Variants in SOX5 observed in about 807,000 individuals in gnomAD.
The protein encoded by SOX5 is transcription factor SOX-5.
SOX5 carries 9 observed loss-of-function variants against 92.0 expected under a neutral mutation model. The ratio of observed to expected loss-of-function variants is 0.10; its 90% CI spans 0.06 to 0.17. SOX5 has a LOEUF of 0.17. Ranked by LOEUF, SOX5 falls within the 10% of genes least tolerant of loss-of-function variation. SOX5 has a pLI of 1.00. For missense variants in SOX5, 642 were observed against 944.5 expected (o/e 0.68, Z 4.20); for synonymous variants, 344 against 336.3 (o/e 1.02, Z -0.25).
At chr12:23,703,183 G>A (rs1370601605) in intron 6 of SOX5, among the ~76,000 whole-genome samples, 1 of 152,038 alleles carries the variant, frequency 6.6e-6, no homozygotes, top group Non-Finnish European at 1.5e-5. Flanking sequence ...GCTGGCACAA[G>A]CAAGTGAAAA....
At chr12:24,491,274 A>T (rs770946240) in intron 1 of SOX5, among the ~76,000 whole-genome samples, 1 of 152,154 alleles carries the variant, frequency 6.6e-6, no homozygotes, top group Non-Finnish European at 1.5e-5. Context: ...CCTTACATGG[A>T]AATTTTTCCT....
chr12:24,179,923 C>T (rs933271445), intron 4 of SOX5, among the ~76,000 whole-genome samples: 3 of 150,328 alleles, frequency 2.0e-5, no homozygotes, highest in Non-Finnish European at 3.0e-5. Flanking sequence ...CATATTAGGC[C>T]TTATAATCTT....
intron 4 of SOX5, among the ~76,000 whole-genome samples, chr12:24,127,317 G>C (rs905204743): frequency 2.0e-5 from 3 of 151,516 alleles, no homozygotes; most frequent in African/African-American, 7.3e-5. Flanking sequence ...CTTGAGCCCA[G>C]GAGGTGGGTT....
intron 3 of SOX5, among the ~76,000 whole-genome samples, chr12:24,226,280 A>C (rs1469874408): frequency 6.6e-6 from 1 of 152,146 alleles, no homozygotes; most frequent in African/African-American, 2.4e-5. Flanking sequence ...TTTCTTGATT[A>C]AGGCTTATAC....
chr12:23,967,232 G>A (rs929402172), intron 4 of SOX5, among the ~76,000 whole-genome samples: 1 of 152,054 alleles, frequency 6.6e-6, no homozygotes, highest in Non-Finnish European at 1.5e-5. Context: ...CCATAGTAAT[G>A]AACTGAACAT....
chr12:23,809,128 T>A (rs1474888128), intron 3 of SOX5, among the ~76,000 whole-genome samples: 2 of 152,124 alleles, frequency 1.3e-5, no homozygotes, highest in Non-Finnish European at 2.9e-5. Flanking sequence ...AAACCACACG[T>A]ACACACACAA....
At chr12:23,927,832 T>A (rs146403989) in intron 1 of SOX5, among the ~76,000 whole-genome samples, 1 of 152,220 alleles carries the variant, frequency 6.6e-6, no homozygotes, top group Non-Finnish European at 1.5e-5. Context: ...TATTTATACC[T>A]TTCAGTGTGC....
chr12:24,046,086 T>G (rs1461564718), intron 4 of SOX5, among the ~76,000 whole-genome samples: 1 of 152,238 alleles, frequency 6.6e-6, no homozygotes, highest in Admixed American at 6.5e-5. Context: ...TTTATCTGGC[T>G]TGAACTACAT....
At chr12:24,423,922 A>T (rs1966319877) in intron 1 of SOX5, among the ~76,000 whole-genome samples, 1 of 152,176 alleles carries the variant, frequency 6.6e-6, no homozygotes, top group Non-Finnish European at 1.5e-5. Flanking sequence ...GCTGCATGGA[A>T]CGAGGAGATA....
At chr12:24,198,851 G>C (rs1296006892) in intron 4 of SOX5, among the ~76,000 whole-genome samples, 1 of 151,658 alleles carries the variant, frequency 6.6e-6, no homozygotes, top group Non-Finnish European at 1.5e-5. Flanking sequence ...TCAGAGGTTT[G>C]GGTGGGATAG....
chr12:24,520,849 A>T (rs1295640897), intron 1 of SOX5, among the ~76,000 whole-genome samples: 1 of 152,230 alleles, frequency 6.6e-6, no homozygotes, highest in African/African-American at 2.4e-5. Flanking sequence ...GCTATACTTT[A>T]TCAGACAAAA....
At chr12:24,506,931 C>T (rs1392030360) in intron 1 of SOX5, among the ~76,000 whole-genome samples, 1 of 151,282 alleles carries the variant, frequency 6.6e-6, no homozygotes, top group Non-Finnish European at 1.5e-5. Context: ...GCTGGGACTA[C>T]AGGCGCCCGC....
chr12:23,535,840 T>C (rs1216713248), intron 14 of SOX5, among the ~76,000 whole-genome samples: 3 of 152,234 alleles, frequency 2.0e-5, no homozygotes, highest in Non-Finnish European at 4.4e-5. Context: ...GAGAATTCTA[T>C]AGAAGCAATG....
At chr12:24,213,443 A>G (rs1362453597) in intron 3 of SOX5, 4 of 151,046 alleles carry the variant, frequency 2.6e-5, no homozygotes, top group Non-Finnish European at 4.4e-5. Flanking sequence ...AAAAAAAGAA[A>G]AAGAAAAAGG....
chr12:24,440,906 A>G (rs1340924912), intron 1 of SOX5, among the ~76,000 whole-genome samples: 2 of 152,194 alleles, frequency 1.3e-5, no homozygotes, highest in Non-Finnish European at 2.9e-5. Context: ...CATGGGATAT[A>G]GGGAAATTAT....
intron 2 of SOX5, among the ~76,000 whole-genome samples, chr12:24,340,812 T>G (rs1565941052): frequency 6.6e-6 from 1 of 152,212 alleles, no homozygotes; most frequent in Non-Finnish European, 1.5e-5. Flanking sequence ...CTCACTTATT[T>G]TAAGCCCAGC....
chr12:24,138,856 G>T (rs980221263), intron 4 of SOX5, among the ~76,000 whole-genome samples: 1 of 152,072 alleles, frequency 6.6e-6, no homozygotes, highest in Non-Finnish European at 1.5e-5. Context: ...ATTGCTGAAG[G>T]ATGTTCAGGC....
chr12:24,113,048 T>C (rs1947558836), intron 4 of SOX5, among the ~76,000 whole-genome samples: 3 of 152,156 alleles, frequency 2.0e-5, no homozygotes, highest in East Asian at 3.9e-4. Flanking sequence ...ATCTCTTTAC[T>C]ATTCTGAAAG....
chr12:23,936,866 G>C (rs1401120584), intron 1 of SOX5, among the ~76,000 whole-genome samples: 2 of 150,870 alleles, frequency 1.3e-5, no homozygotes, highest in South Asian at 2.1e-4. Flanking sequence ...TTGAACCTAT[G>C]TCTTGGAAAG....
Sources: gnomAD v4.1 joint callset for allele counts (sites outside exome capture counted in the v4.1 genomes callset) on GRCh38, gnomAD v4.1.1 for gene constraint, MANE v1.5 for transcripts, NCBI Gene and HGNC (gene_info 2026-07-23, HGNC 2026-07-21) for gene names.